Variants in SNRK observed in about 807,000 individuals in gnomAD.
SNRK encodes the protein SNF-related serine/threonine-protein kinase.
A neutral mutation model predicts 48.2 loss-of-function variants in SNRK; 3 were observed. The observed-to-expected ratio is 0.06, with a 90% CI of 0.03 to 0.16. The LOEUF (loss-of-function observed/expected upper bound fraction) is 0.16. Ranked by LOEUF, SNRK falls within the 10% of genes least tolerant of loss-of-function variation. SNRK has a pLI of 1.00. For synonymous variants in SNRK, 376 were observed against 366.1 expected, an observed-to-expected ratio of 1.03 and a Z score of -0.31; for missense variants, 627 against 976.0, an observed-to-expected ratio of 0.64 and a Z score of 4.76.
Position 43,348,302 on chromosome 3 carries a change from G to A in SNRK, c.2043G>A (p.Glu681=), listed in dbSNP as rs1220628578. Residue 681 remains glutamate, a synonymous_variant, in exon 7 of 7, where the codon GAG becomes GAA. Transcript: ENST00000296088. ...GLSFSSVKVQ[E]KSTWKMCISS... is the part of the protein sequence containing the mutation. ...CATTTTCCAGTGTGAAAGTCCAAGA[G>A]AAATCTACGTGGAAAATGTGCATTA... The A allele has an allele frequency of 3.7e-6, 6 of 1,613,844 alleles. No individual in the cohort carries two copies. Among genetic ancestry groups the A allele is most frequent in the Non-Finnish European group, 5.1e-6 (6 of 1,179,908 alleles).
intron 4 of SNRK, among the ~76,000 whole-genome samples, chr3:43,335,013 G>A (rs1250649452): frequency 1.3e-5 from 2 of 151,836 alleles, no homozygotes; most frequent in South Asian, 2.1e-4. Flanking sequence ...TTTGCCAGAA[G>A]TTTGTTATTT....
At chr3:43,316,038 T>C (rs367760541) in intron 3 of SNRK, among the ~76,000 whole-genome samples, 2 of 152,222 alleles carry the variant, frequency 1.3e-5, no homozygotes, top group Non-Finnish European at 2.9e-5. Flanking sequence ...AAAAAGTATT[T>C]AGAATTAGTA....
chr3:43,297,552 A>G (rs2125615887), intron 1 of SNRK, among the ~76,000 whole-genome samples: 1 of 151,582 alleles, frequency 6.6e-6, no homozygotes, highest in South Asian at 2.1e-4. Flanking sequence ...CGATGTTATC[A>G]TAAAGGGTGG....
intron 3 of SNRK, among the ~76,000 whole-genome samples, chr3:43,313,600 CA>C (rs752184645): frequency 3.3e-5 from 5 of 152,092 alleles, no homozygotes; most frequent in South Asian, 2.1e-4. Context: ...GGTGATGGAG[CA>C]CTTCTGTGTC....
chr3:43,317,452 A>G (rs773873762), intron 3 of SNRK, among the ~76,000 whole-genome samples: 8 of 152,206 alleles, frequency 5.3e-5, no homozygotes, highest in Non-Finnish European at 1.0e-4. Flanking sequence ...CATAAGGAAA[A>G]CAATGTTTAC....
intron 3 of SNRK, among the ~76,000 whole-genome samples, chr3:43,322,557 T>G (rs931216360): frequency 6.6e-6 from 1 of 152,168 alleles, no homozygotes; most frequent in South Asian, 2.1e-4. Flanking sequence ...AAAAGAAAAT[T>G]TATTAAAGAA....
intron 4 of SNRK, among the ~76,000 whole-genome samples, chr3:43,334,716 C>T (rs1401546991): frequency 6.6e-6 from 1 of 151,960 alleles, no homozygotes; most frequent in Non-Finnish European, 1.5e-5. Flanking sequence ...GCTTCAGCCT[C>T]CCAGTTAGCT....
At chr3:43,313,513 A>G (rs1559463253) in intron 3 of SNRK, among the ~76,000 whole-genome samples, 3 of 152,342 alleles carry the variant, frequency 2.0e-5, no homozygotes, top group East Asian at 1.9e-4. Flanking sequence ...AAAATGGAGA[A>G]CAGATTGGTG....
At chr3:43,314,100 TAATC>T (rs1256855658) in intron 3 of SNRK, among the ~76,000 whole-genome samples, 2 of 152,184 alleles carry the variant, frequency 1.3e-5, no homozygotes, top group South Asian at 2.1e-4. Context: ...TAAAACCAGA[TAATC>T]AGCAGAAAAA....
intron 3 of SNRK, among the ~76,000 whole-genome samples, chr3:43,318,206 G>T (rs1380666387): frequency 6.6e-6 from 1 of 152,150 alleles, no homozygotes; most frequent in Non-Finnish European, 1.5e-5. Flanking sequence ...TGGGAAAATG[G>T]GGAGGAAGGG....
At chr3:43,296,944 C>G (rs932231900) in intron 1 of SNRK, among the ~76,000 whole-genome samples, 1 of 152,206 alleles carries the variant, frequency 6.6e-6, no homozygotes, top group Admixed American at 6.5e-5. Flanking sequence ...TATATTCTTG[C>G]AGCACATAAC....
intron 3 of SNRK, among the ~76,000 whole-genome samples, chr3:43,327,947 C>T (rs2091108005): frequency 1.3e-5 from 1 of 78,206 alleles, no homozygotes; most frequent in African/African-American, 4.6e-5. Flanking sequence ...CCCATAGTTC[C>T]ATGAGTTGGG....
intron 3 of SNRK, among the ~76,000 whole-genome samples, chr3:43,325,047 C>G (rs1229666588): frequency 1.3e-5 from 2 of 152,180 alleles, no homozygotes; most frequent in African/African-American, 4.8e-5. Flanking sequence ...GAAAGAGAAC[C>G]CATTTTCTTA....
At chr3:43,344,201 C>T (rs1170022111) in intron 6 of SNRK, among the ~76,000 whole-genome samples, 1 of 151,538 alleles carries the variant, frequency 6.6e-6, no homozygotes, top group African/African-American at 2.4e-5. Context: ...TTCTAACCCC[C>T]TCTCTCCTCC....
chr3:43,320,414 C>T (rs1168882217), intron 3 of SNRK, among the ~76,000 whole-genome samples: 1 of 152,128 alleles, frequency 6.6e-6, no homozygotes, highest in Admixed American at 6.5e-5. Context: ...TTAAGAGAAA[C>T]AACATGGATT....
chr3:43,303,239 T>G lies in SNRK; in HGVS notation c.36T>G (p.Ile12Met), dbSNP rs2090911707. 6.2e-7 allele frequency: 1 copy of G among 1,613,964 alleles called. No individual in the cohort carries two copies. Among genetic ancestry groups the G allele is most frequent in the Non-Finnish European group, 8.5e-7 (1 of 1,179,968 alleles). The change falls in exon 3 of 7, where the codon ATT becomes ATG. Residue 12 changes from isoleucine to methionine, a missense_variant. Physicochemically the swap from Ile to Met is conservative, Grantham distance 10. Transcript: ENST00000296088. The surrounding 1 kb of genome is among the most constrained non-coding windows in gnomAD (Gnocchi z 6.2). ...AGFKRGYDGKIAGLYDLDKTL... is the reference protein window; with the variant it reads ...AGFKRGYDGKMAGLYDLDKTL... ...TTAAGCGAGGGTATGATGGAAAGAT[T>G]GCTGGATTATATGATCTGGATAAAA...
intron 3 of SNRK, among the ~76,000 whole-genome samples, chr3:43,330,058 A>G (rs960332541): frequency 6.6e-6 from 1 of 152,214 alleles, no homozygotes; most frequent in African/African-American, 2.4e-5. Flanking sequence ...ATTTTATAAA[A>G]GTTGATGTTT....
intron 4 of SNRK, among the ~76,000 whole-genome samples, chr3:43,335,136 C>T (rs1011955054): frequency 6.6e-6 from 1 of 152,120 alleles, no homozygotes; most frequent in African/African-American, 2.4e-5. Flanking sequence ...CCACTCACTT[C>T]CATGGGCTAA....
chr3:43,348,390 A>G lies in SNRK; in HGVS notation c.2131A>G (p.Met711Val), dbSNP rs373360457. 6 of 1,610,636 alleles carry G rather than the reference A, an allele frequency of 3.7e-6. No individual in the cohort carries two copies. The highest frequency in any genetic ancestry group is 1.3e-5 in the African/African-American group (1 of 74,806). ...VGGIKFFSDHMADTTTELERI... is the reference protein window; with the variant it reads ...VGGIKFFSDHVADTTTELERI... The stretch of plus-strand genomic sequence containing the variant: ...CGGCATAAAGTTTTTCTCTGACCAC[A>G]TGGCAGATACCACCACTGAATTGGA... The change falls in exon 7 of 7, where the codon ATG becomes GTG. Residue 711 changes from methionine (M) to valine (V), a missense_variant. Coordinates refer to ENST00000296088, the MANE Select transcript of SNRK (RefSeq NM_017719.5).
Sources: allele counts gnomAD v4.1 joint callset (sites outside exome capture counted in the v4.1 genomes callset), GRCh38; gene constraint gnomAD v4.1.1; non-coding constraint Gnocchi (gnomAD v3.1); transcripts MANE v1.5; gene names NCBI Gene and HGNC (gene_info 2026-07-23, HGNC 2026-07-21).